The following TECTA variants were observed in gnomAD, a reference collection of about 807,000 sequenced individuals.
The protein encoded by TECTA is tectorin alpha, also known as alpha-tectorin.
A neutral mutation model predicts 216.8 loss-of-function variants in TECTA; 128 were observed. That is an observed-to-expected ratio of 0.59 (90% CI 0.51 to 0.68). The LOEUF (loss-of-function observed/expected upper bound fraction) is 0.68, where lower values mean the gene tolerates loss of function less well. TECTA is among the 30% of genes least tolerant of loss of function. The pLI is 0.00. For synonymous variants in TECTA, 1,089 were observed against 1,117.1 expected (o/e 0.97, Z 0.50); for missense variants, 2,551 against 2,786.2 (o/e 0.92, Z 1.90).
chr11:121,152,158 T>C (rs1161225543), intron 12 of TECTA, among the ~76,000 whole-genome samples: 3 of 152,234 alleles, frequency 2.0e-5, no homozygotes, highest in Admixed American at 1.3e-4. Flanking sequence ...TATAGAAGCA[T>C]CTAGATGCAT....
chr11:121,187,687 A>G, intron 20 of TECTA, 145 bp from the exon 21 acceptor site: 1 of 796,170 alleles, frequency 1.3e-6, no homozygotes, highest in Non-Finnish European at 2.1e-6. Flanking sequence ...AAGCCCATGC[A>G]GTCCAGGGGT....
At position 121,118,474 on chromosome 11, in the gene TECTA, G is replaced by A; in HGVS notation, c.959G>A (p.Ser320Asn). 1 of 1,614,212 alleles carries A rather than the reference G, an allele frequency of 6.2e-7. No individual in the cohort carries two copies. The highest frequency in any genetic ancestry group is 1.1e-5 in the South Asian group (1 of 91,080). ...TTCTACTGCAGCGCTGTGGAGACCA[G>A]CACATGCGTGGTGTTTGGGGAGCCA... The part of the protein sequence containing the change: ...KFFYCSAVET[S>N]TCVVFGEPHY... The change falls in exon 7 of 24, where the codon AGC (serine) becomes AAC (asparagine). Residue 320 changes from serine (S) to asparagine (N), a missense_variant. Around this residue, in one of 3 missense-constraint regions of TECTA, gnomAD observed 2,375 missense variants for 2,563.9 expected, o/e 0.93. Coordinates refer to ENST00000392793, the MANE Select transcript of TECTA (RefSeq NM_005422.4).
intron 12 of TECTA, among the ~76,000 whole-genome samples, chr11:121,151,739 T>C (rs570110409): frequency 3.3e-5 from 5 of 152,350 alleles, no homozygotes; most frequent in African/African-American, 9.6e-5. Flanking sequence ...TATGAATCAA[T>C]ACATGTGTTA....
rs562555347 is a variant in TECTA, at chr11:121,104,613, C to T, written c.65-1218C>T. 2.1e-3 allele frequency among the ~76,000 whole-genome samples: 321 copies of T among 152,244 alleles called. 1 individual carries two copies. The highest frequency in any genetic ancestry group is 3.2e-3 in the Non-Finnish European group (217 of 68,030). ...CCTGCTTTCTGGCCGCTTTGCACTC[C>T]TCTCTTTTACATGAGCTGTTGTCTG... On this transcript the variant is annotated intron_variant, in intron 2 of 23. Transcript: ENST00000392793.
intron 11 of TECTA, 57 bp downstream of exon 11, chr11:121,138,079 C>T (rs1265871132): frequency 6.2e-6 from 10 of 1,608,990 alleles, no homozygotes; most frequent in Admixed American, 5.0e-5. Flanking sequence ...AGGATGGGGT[C>T]GGCAAGCCAG....
intron 12 of TECTA, 25 bp downstream of exon 12, chr11:121,146,141 T>C: frequency 6.2e-7 from 1 of 1,600,316 alleles, no homozygotes. Context: ...TTGTCCCTCC[T>C]TGTAGCTTCT....
rs1397634359 is a variant in TECTA, at chr11:121,127,992, CT to C, written c.2016del (p.Val673CysfsTer68). ...TTCTTCTGGGCCACGGCCAACTGCA[CT>C]GTGCAATGCCTGTGCGAGGAGGGCG... ...GEFFWATANCTVQCLCEEGGD... is the reference protein window; with the variant it reads ...GEFFWATANCXVQCLCEEGGD... On this transcript the variant is annotated frameshift_variant, in exon 9 of 24. Coordinates refer to ENST00000392793, the MANE Select transcript of TECTA (RefSeq NM_005422.4). LOFTEE classifies it high-confidence loss of function. The surrounding 1 kb of genome is among the most constrained non-coding windows in gnomAD (Gnocchi z 5.0). The C allele has an allele frequency of 1.2e-6, 2 of 1,614,026 alleles. No homozygotes were observed. Among genetic ancestry groups the C allele is most frequent in the African/African-American group, 2.7e-5 (2 of 74,956 alleles).
chr11:121,146,047 C>A lies in TECTA; in HGVS notation c.4036C>A (p.Gln1346Lys). 6.2e-7 allele frequency: 1 copy of A among 1,613,664 alleles called. No individual in the cohort carries two copies. Among genetic ancestry groups the A allele is most frequent in the Non-Finnish European group, 8.5e-7 (1 of 1,180,046 alleles). ...GAVQTACSWL[Q>K]NYASTCQTQG... ...GGTGCAGACCGCCTGCAGCTGGCTGCAGAACTACGCCAGCACCTGCCAGAC... is the reference window on the plus strand; with the variant it reads ...GGTGCAGACCGCCTGCAGCTGGCTGAAGAACTACGCCAGCACCTGCCAGAC... The change falls in exon 12 of 24, where the codon CAG becomes AAG. Residue 1346 changes from glutamine to lysine, a missense_variant. Gln to Lys is a moderately conservative substitution (Grantham distance 53). This residue lies in a region of TECTA where 2,375 missense variants were observed against 2,563.9 expected (regional missense o/e 0.93). Transcript: ENST00000392793.
chr11:121,157,149 T>G lies in TECTA; in HGVS notation c.4306-692T>G, dbSNP rs548338042. ...TTCTTGAGTGAATTTTAATTTCATCTTTGAAGCAGAGTCTGTACTTGTTAG... is the reference window on the plus strand; with the variant it reads ...TTCTTGAGTGAATTTTAATTTCATCGTTGAAGCAGAGTCTGTACTTGTTAG... On this transcript the variant is annotated intron_variant, in intron 13 of 23. Transcript: ENST00000392793. Among the ~76,000 whole-genome samples, 16 of 152,368 alleles carry G rather than the reference T, an allele frequency of 1.1e-4. No homozygotes were observed. The South Asian group carries it at 2.7e-3, about 26-fold the overall frequency.
intron 9 of TECTA, among the ~76,000 whole-genome samples, chr11:121,129,091 A>G (rs965255128): frequency 4.6e-5 from 7 of 152,380 alleles, no homozygotes; most frequent in Admixed American, 2.6e-4. Context: ...CAAGGAGATA[A>G]TAAAATACGC....
chr11:121,159,565 A>G (rs984719466), intron 14 of TECTA, among the ~76,000 whole-genome samples: 2 of 152,228 alleles, frequency 1.3e-5, no homozygotes, highest in Admixed American at 6.5e-5. Flanking sequence ...AAAGCAGAAA[A>G]ATGACAAATG....
rs776910636 is a variant in TECTA at position 121,157,927 on chromosome 11, C to A, written c.4392C>A (p.Cys1464Ter). 1 of 1,614,054 alleles carries A rather than the reference C, an allele frequency of 6.2e-7. No homozygotes were observed. Among genetic ancestry groups the A allele is most frequent in the Non-Finnish European group, 8.5e-7 (1 of 1,180,046 alleles). ...RNVIQCDPRQ[C>*]KSDEECALRN... ...TGATTCAGTGCGACCCGCGCCAATGCAAGTCAGACGAGGAGTGTGCGCTGC... is the reference window on the plus strand; with the variant it reads ...TGATTCAGTGCGACCCGCGCCAATGAAAGTCAGACGAGGAGTGTGCGCTGC... Residue 1464 changes from cysteine (C) to a stop codon, truncating the protein, a stop_gained, in exon 14 of 24, where the codon TGC (cysteine) becomes TGA (stop). Transcript: ENST00000392793. LOFTEE classifies it high-confidence loss of function.
intron 8 of TECTA, among the ~76,000 whole-genome samples, chr11:121,126,729 C>T (rs1276146553): frequency 2.0e-5 from 3 of 152,136 alleles, no homozygotes; most frequent in African/African-American, 7.2e-5. Context: ...GTCACATAAA[C>T]CATAATGTAT....
rs945566504 is a variant in TECTA at position 121,164,944 on chromosome 11, G to T, written c.5273-329G>T. On this transcript the variant is annotated intron_variant, in intron 16 of 23. Transcript: ENST00000392793. ...GTAGGTGCCTTAATCATGGTAAGATGACTGGGGTTAAGAGCATCTGTGCAT... is the reference window on the plus strand; with the variant it reads ...GTAGGTGCCTTAATCATGGTAAGATTACTGGGGTTAAGAGCATCTGTGCAT... 2.6e-5 allele frequency among the ~76,000 whole-genome samples: 4 copies of T among 152,176 alleles called. No individual in the cohort carries two copies. The East Asian group carries it at 7.7e-4, about 29-fold the overall frequency.
intron 11 of TECTA, among the ~76,000 whole-genome samples, chr11:121,139,130 G>A (rs576369498): frequency 6.6e-6 from 1 of 152,280 alleles, no homozygotes; most frequent in South Asian, 2.1e-4. Context: ...TATCATCCAA[G>A]GAAGCAATTT....
chr11:121,138,410 C>G (rs1164456910), intron 11 of TECTA, among the ~76,000 whole-genome samples: 6 of 152,156 alleles, frequency 3.9e-5, no homozygotes, highest in African/African-American at 1.4e-4. Context: ...AAATGCCTAC[C>G]TTGCACAGAC....
intron 10 of TECTA, among the ~76,000 whole-genome samples, chr11:121,136,801 A>G (rs951004870): frequency 2.0e-5 from 3 of 152,142 alleles, no homozygotes; most frequent in Non-Finnish European, 4.4e-5. Context: ...TCTGGCACTT[A>G]CTAGTTAGAT....
chr11:121,169,378 G>A (rs1947089084), intron 20 of TECTA, among the ~76,000 whole-genome samples: 1 of 152,130 alleles, frequency 6.6e-6, no homozygotes, highest in African/African-American at 2.4e-5. Flanking sequence ...ACTCACCACT[G>A]TATGCTTACC....
chr11:121,111,855 A>C (rs1277752222), intron 4 of TECTA, among the ~76,000 whole-genome samples: 1 of 152,232 alleles, frequency 6.6e-6, no homozygotes, highest in African/African-American at 2.4e-5. Flanking sequence ...AGTCTATCAC[A>C]AACGCCATCA....
Sources: gnomAD v4.1 joint callset for allele counts (sites outside exome capture counted in the v4.1 genomes callset) on GRCh38, gnomAD v4.1.1 for gene constraint, gnomAD v4.1.1 regional missense constraint, Gnocchi (gnomAD v3.1) non-coding constraint, MANE v1.5 for transcripts, NCBI Gene and HGNC (gene_info 2026-07-23, HGNC 2026-07-21) for gene names.